Variants in MALRD1 observed in about 807,000 individuals in gnomAD.
The protein encoded by MALRD1 is MAM and LDL-receptor class A domain-containing protein 1.
MALRD1 carries 247 observed loss-of-function variants against 242.1 expected under a neutral mutation model. The observed-to-expected ratio is 1.02, with a 90% confidence interval of 0.92 to 1.13. MALRD1 has a LOEUF of 1.13. MALRD1 is among the 50% of genes most tolerant of loss of function. MALRD1 has a pLI of 0.00. For missense variants in MALRD1, 2,989 were observed against 2,533.1 expected (o/e 1.18, Z -3.86); for synonymous variants, 995 against 866.6 (o/e 1.15, Z -2.60).
chr10:19,710,556 G>C (rs548638960), intron 38 of MALRD1: 4 of 152,262 alleles, frequency 2.6e-5, no homozygotes, highest in African/African-American at 9.6e-5. Flanking sequence ...TTTGTGCGTT[G>C]TTATTACTAA....
chr10:19,660,868 T>C (rs1841396017), intron 36 of MALRD1, among the ~76,000 whole-genome samples: 1 of 152,210 alleles, frequency 6.6e-6, no homozygotes, highest in African/African-American at 2.4e-5. Flanking sequence ...CCTGTTATTT[T>C]TGCATGCAGA....
intron 5 of MALRD1, among the ~76,000 whole-genome samples, chr10:19,106,903 G>A (rs1440569367): frequency 1.3e-5 from 2 of 151,768 alleles, no homozygotes; most frequent in Non-Finnish European, 2.9e-5. Flanking sequence ...TGTTTTTCAG[G>A]GGTACGATTA....
At chr10:19,600,786 A>G (rs546007070) in intron 34 of MALRD1, among the ~76,000 whole-genome samples, 89 of 152,292 alleles carry the variant, frequency 5.8e-4, no homozygotes, top group African/African-American at 2.0e-3. Flanking sequence ...ACCTGAGTGA[A>G]TGAGCTATGT....
At chr10:19,593,464 A>T (rs182604974) in intron 33 of MALRD1, among the ~76,000 whole-genome samples, 1 of 152,318 alleles carries the variant, frequency 6.6e-6, no homozygotes, top group East Asian at 1.9e-4. Flanking sequence ...TACATATAAC[A>T]CAAATTATTC....
chr10:19,523,315 T>C (rs1237772072), intron 31 of MALRD1, among the ~76,000 whole-genome samples: 1 of 152,166 alleles, frequency 6.6e-6, no homozygotes, highest in Admixed American at 6.5e-5. Flanking sequence ...TGATAATATA[T>C]TTCTGTTTCA....
intron 13 of MALRD1, among the ~76,000 whole-genome samples, chr10:19,174,986 A>G (rs1835170270): frequency 1.3e-5 from 2 of 152,108 alleles, no homozygotes; most frequent in African/African-American, 4.8e-5. Flanking sequence ...TACCACTTTT[A>G]ATTGAAACAA....
At chr10:19,589,891 C>T (rs142479274) in intron 33 of MALRD1, among the ~76,000 whole-genome samples, 17 of 151,986 alleles carry the variant, frequency 1.1e-4, no homozygotes, top group Non-Finnish European at 1.6e-4. Context: ...TTGCTCTGAG[C>T]GTGTTTGGCT....
Position 19,615,910 on chromosome 10 carries a change from G to C in MALRD1, c.6124G>C (p.Gly2042Arg). The change falls in exon 36 of 40, where the codon GGT (glycine) becomes CGT (arginine). Residue 2042 changes from glycine (G) to arginine (R), a missense_variant. Gly to Arg is a moderately radical substitution (Grantham distance 125, BLOSUM62 -2). Coordinates refer to ENST00000454679, the MANE Select transcript of MALRD1 (RefSeq NM_001142308.3). ...NGGTCVVEKN[G>R]PMCRCRQGWK... The stretch of plus-strand genomic sequence containing the variant: ...TGGGACTTGTGTAGTGGAGAAAAAT[G>C]GTCCTATGTGTCGGTAAGAAGCATT... 1 of 1,529,988 alleles carries C rather than the reference G, an allele frequency of 6.5e-7. No homozygotes were observed. Among genetic ancestry groups the C allele is most frequent in the South Asian group, 1.2e-5 (1 of 83,218 alleles). The allele number at this position is 1,529,988 out of a possible 1,614,324, so 94.8% of individuals were successfully genotyped here.
At chr10:19,176,118 A>G (rs1835219768) in intron 14 of MALRD1, among the ~76,000 whole-genome samples, 1 of 152,028 alleles carries the variant, frequency 6.6e-6, no homozygotes, top group Non-Finnish European at 1.5e-5. Flanking sequence ...GTCACACTTT[A>G]TTTTTCTTAA....
intron 36 of MALRD1, among the ~76,000 whole-genome samples, chr10:19,690,091 T>A (rs1186326090): frequency 6.6e-6 from 1 of 152,088 alleles, no homozygotes; most frequent in Non-Finnish European, 1.5e-5. Flanking sequence ...GGGGGTAGTG[T>A]ATTCATTTTT....
intron 28 of MALRD1, among the ~76,000 whole-genome samples, chr10:19,449,133 G>A (rs780388021): frequency 1.3e-5 from 2 of 152,122 alleles, no homozygotes; most frequent in Admixed American, 6.6e-5. Context: ...GCAAGGAAAG[G>A]TAGATTTTAC....
chr10:19,163,137 T>TAAAA lies in MALRD1; in HGVS notation c.1657-2475_1657-2472dup, dbSNP rs58034381. 6.0e-3 allele frequency among the ~76,000 whole-genome samples: 262 copies of TAAAA among 43,838 alleles called. 39 individuals are homozygous for TAAAA. Among genetic ancestry groups the TAAAA allele is most frequent in the East Asian group, 0.038 (38 of 1,008 alleles). 28.8% of individuals were successfully genotyped at this position (43,838 alleles called of 152,430 possible). A position where few individuals can be genotyped will look rare whatever the true frequency, so the allele number is the denominator to read the frequency against. ...TGAACAACTGGAGTGAAACCCTGTC[T>TAAAA]AAAAAAAAAAAAAAAAAAAAAAAAA... On this transcript the variant is annotated intron_variant, in intron 12 of 39. Transcript: ENST00000454679.
At chr10:19,639,258 T>C (rs1048853785) in intron 36 of MALRD1, among the ~76,000 whole-genome samples, 17 of 152,172 alleles carry the variant, frequency 1.1e-4, no homozygotes, top group Non-Finnish European at 2.4e-4. Flanking sequence ...CACAGATGGG[T>C]GAAACTTAAA....
chr10:19,223,287 A>C (rs1254124479), intron 18 of MALRD1, among the ~76,000 whole-genome samples: 1 of 152,104 alleles, frequency 6.6e-6, no homozygotes, highest in African/African-American at 2.4e-5. Flanking sequence ...CAGGACTGCC[A>C]TTTGGAACTG....
At chr10:19,488,825 C>T (rs907060827) in intron 29 of MALRD1, 4 of 344,842 alleles carry the variant, frequency 1.2e-5, no homozygotes, top group African/African-American at 8.6e-5. Flanking sequence ...GGTGTGTGGC[C>T]ATGCAAAGAA....
At chr10:19,619,052 G>A (rs549682565) in intron 36 of MALRD1, among the ~76,000 whole-genome samples, 12 of 152,134 alleles carry the variant, frequency 7.9e-5, no homozygotes, top group African/African-American at 2.2e-4. Flanking sequence ...CCACTGACAC[G>A]ACGCCAGATC....
At chr10:19,592,136 G>C (rs1837820672) in intron 33 of MALRD1, among the ~76,000 whole-genome samples, 2 of 152,126 alleles carry the variant, frequency 1.3e-5, no homozygotes, top group African/African-American at 4.8e-5. Context: ...TTTATGTTTG[G>C]GGAGTGTTAT....
chr10:19,102,457 A>G (rs1332974897), intron 4 of MALRD1, among the ~76,000 whole-genome samples: 1 of 152,144 alleles, frequency 6.6e-6, no homozygotes, highest in African/African-American at 2.4e-5. Flanking sequence ...TAGGTAGCAT[A>G]TGGCTTGAAA....
chr10:19,237,520 A>C, intron 18 of MALRD1, among the ~76,000 whole-genome samples: 1 of 134,354 alleles, frequency 7.4e-6, no homozygotes, highest in Non-Finnish European at 1.6e-5. Context: ...GTCCATATAT[A>C]TATATATATA....
Sources: allele counts gnomAD v4.1 joint callset (sites outside exome capture counted in the v4.1 genomes callset), GRCh38; gene constraint gnomAD v4.1.1; transcripts MANE v1.5; gene names NCBI Gene and HGNC (gene_info 2026-07-23, HGNC 2026-07-21).